Variants in PHLDB2 observed in about 807,000 individuals in gnomAD.
PHLDB2 encodes the protein pleckstrin homology-like domain family B member 2.
PHLDB2 carries 71 observed loss-of-function variants against 123.6 expected under a neutral mutation model. The observed-to-expected ratio is 0.57, with a 90% CI of 0.47 to 0.70. The LOEUF is 0.70. PHLDB2 is among the 30% of genes least tolerant of loss of function. The probability of loss-of-function intolerance (pLI) is 0.00; values close to 1 mark genes in which losing one functional copy is unlikely to be tolerated. For missense variants in PHLDB2, 1,446 were observed against 1,519.5 expected, an observed-to-expected ratio of 0.95 and a Z score of 0.80; for synonymous variants, 547 against 541.6, an observed-to-expected ratio of 1.01 and a Z score of -0.14.
At chr3:111,944,030 T>C (rs1403200483) in intron 8 of PHLDB2, among the ~76,000 whole-genome samples, 3 of 152,332 alleles carry the variant, frequency 2.0e-5, no homozygotes, top group Admixed American at 1.3e-4. Flanking sequence ...GGTATATTTA[T>C]ATAATACAGG....
intron 2 of PHLDB2, among the ~76,000 whole-genome samples, chr3:111,894,365 A>C (rs2066694680): frequency 6.6e-6 from 1 of 152,038 alleles, no homozygotes; most frequent in Non-Finnish European, 1.5e-5. Flanking sequence ...ATGCCGCAAT[A>C]AACATACATG....
chr3:111,893,656 T>G (rs1453429720), intron 2 of PHLDB2, among the ~76,000 whole-genome samples: 1 of 151,912 alleles, frequency 6.6e-6, no homozygotes, highest in Non-Finnish European at 1.5e-5. Context: ...TACCTTTTTT[T>G]TTTTTAACTT....
At chr3:111,965,279 C>G (rs2071678893) in intron 13 of PHLDB2, among the ~76,000 whole-genome samples, 1 of 152,210 alleles carries the variant, frequency 6.6e-6, no homozygotes, top group South Asian at 2.1e-4. Context: ...TTCAAGGTTA[C>G]TCTGCAAAGT....
At chr3:111,771,233 C>A (rs944495581) in intron 1 of PHLDB2, among the ~76,000 whole-genome samples, 3 of 152,212 alleles carry the variant, frequency 2.0e-5, no homozygotes, top group Non-Finnish European at 2.9e-5. Context: ...GCAGCGTTGG[C>A]TCCTTCTGAG....
chr3:111,855,404 T>TCTTC (rs148886147), upstream of PHLDB2, among the ~76,000 whole-genome samples: 450 of 151,410 alleles, frequency 3.0e-3, 3 homozygotes, highest in African/African-American at 9.0e-3. Flanking sequence ...ACTCTCTCTT[T>TCTTC]CTTCCTTCCT....
intron 8 of PHLDB2, among the ~76,000 whole-genome samples, chr3:111,942,233 T>C (rs2069945867): frequency 6.6e-6 from 1 of 152,228 alleles, no homozygotes; most frequent in Admixed American, 6.5e-5. Flanking sequence ...AATTGTGGTC[T>C]ATAAGTATTA....
At chr3:111,920,571 C>G (rs1026373446) in intron 5 of PHLDB2, 152 bp downstream of exon 5, 1 of 985,116 alleles carries the variant, frequency 1.0e-6, no homozygotes, top group Non-Finnish European at 1.4e-6. Flanking sequence ...TAAGATCATA[C>G]ATTGTCAGAA....
intron 13 of PHLDB2, among the ~76,000 whole-genome samples, chr3:111,963,668 T>A (rs1315590269): frequency 6.6e-6 from 1 of 152,210 alleles, no homozygotes; most frequent in African/African-American, 2.4e-5. Context: ...CTACAAATAT[T>A]TTTTTGTGAC....
chr3:111,838,369 C>A (rs938689095), intron 1 of PHLDB2, among the ~76,000 whole-genome samples: 2 of 152,018 alleles, frequency 1.3e-5, no homozygotes, highest in African/African-American at 4.8e-5. Flanking sequence ...AGGAATTTGA[C>A]CCTGCCCACA....
chr3:111,890,453 T>A lies in PHLDB2; in HGVS notation c.1335+5041T>A, dbSNP rs114175811. On this transcript the variant is annotated intron_variant, in intron 2 of 17. Coordinates refer to ENST00000431670, the MANE Select transcript of PHLDB2 (RefSeq NM_001134438.2). ...AATTTAATTGACTGGATAGAGTGAG[T>A]CACTTGCACATTTTATTAGGACCTC... 1.8e-3 allele frequency among the ~76,000 whole-genome samples: 273 copies of A among 152,298 alleles called. 3 individuals carry two copies. Among genetic ancestry groups the A allele is most frequent in the African/African-American group, 6.2e-3 (258 of 41,562 alleles).
chr3:111,818,188 G>GTGTGTA (rs963813570), intron 1 of PHLDB2, among the ~76,000 whole-genome samples: 1 of 151,758 alleles, frequency 6.6e-6, no homozygotes, highest in Non-Finnish European at 1.5e-5. Context: ...GTGTGTGTGT[G>GTGTGTA]TGTGTGTGTC....
chr3:111,922,284 T>A (rs886210726), intron 5 of PHLDB2, among the ~76,000 whole-genome samples: 2 of 152,202 alleles, frequency 1.3e-5, no homozygotes, highest in Admixed American at 1.3e-4. Flanking sequence ...CTCATTAATA[T>A]CAGATTCTAC....
chr3:111,893,303 C>T (rs2066611482), intron 2 of PHLDB2, among the ~76,000 whole-genome samples: 1 of 151,256 alleles, frequency 6.6e-6, no homozygotes, highest in South Asian at 2.1e-4. Flanking sequence ...CTATTTTGTC[C>T]TCCAGTCTTA....
At chr3:111,875,450 A>G (rs1343377054) in intron 1 of PHLDB2, among the ~76,000 whole-genome samples, 1 of 151,920 alleles carries the variant, frequency 6.6e-6, no homozygotes, top group East Asian at 1.9e-4. Flanking sequence ...ACGCCTGGCA[A>G]AGGAGTTCTT....
At chr3:111,839,450 C>A (rs2063569623) in intron 1 of PHLDB2, among the ~76,000 whole-genome samples, 1 of 151,848 alleles carries the variant, frequency 6.6e-6, no homozygotes, top group African/African-American at 2.4e-5. Flanking sequence ...CAAGTAGCTC[C>A]AGAAAAAAAA....
chr3:111,914,306 TA>T (rs1348734826), intron 3 of PHLDB2: 1 of 152,138 alleles, frequency 6.6e-6, no homozygotes, highest in East Asian at 1.9e-4. Flanking sequence ...GATCACTTAC[TA>T]AAAGTGGAAT....
At chr3:111,789,634 C>T (rs541447354) in intron 1 of PHLDB2, among the ~76,000 whole-genome samples, 15 of 152,216 alleles carry the variant, frequency 9.9e-5, no homozygotes, top group African/African-American at 3.4e-4. Context: ...GCCATTTTCT[C>T]ACCTGTAAAA....
intron 8 of PHLDB2, among the ~76,000 whole-genome samples, chr3:111,944,612 A>G (rs571247897): frequency 2.0e-5 from 3 of 152,260 alleles, no homozygotes; most frequent in Non-Finnish European, 4.4e-5. Flanking sequence ...CATCATCAAC[A>G]ATTATGTGTT....
intron 1 of PHLDB2, among the ~76,000 whole-genome samples, chr3:111,781,818 G>T (rs2060486814): frequency 6.6e-6 from 1 of 152,072 alleles, no homozygotes; most frequent in South Asian, 2.1e-4. Flanking sequence ...ATCTAGAAAA[G>T]AATCCGGAGA....
Sources: gnomAD v4.1 joint callset for allele counts (sites outside exome capture counted in the v4.1 genomes callset) on GRCh38, gnomAD v4.1.1 for gene constraint, MANE v1.5 for transcripts, NCBI Gene and HGNC (gene_info 2026-07-23, HGNC 2026-07-21) for gene names.